ITFG1: variants seen among roughly 807,000 people sequenced by gnomAD.
ITFG1 encodes the protein integrin alpha FG-GAP repeat containing 1.
A neutral mutation model predicts 81.8 loss-of-function variants in ITFG1; 34 were observed. That is an observed-to-expected ratio of 0.42 (90% CI 0.32 to 0.55). The LOEUF (loss-of-function observed/expected upper bound fraction) is 0.55, where lower values mean the gene tolerates loss of function less well. Among genes scored for constraint, ITFG1 ranks in the 20% least tolerant of loss-of-function variants. The pLI is 0.17. For synonymous variants in ITFG1, 285 were observed against 270.6 expected (o/e 1.05, Z -0.52); for missense variants, 672 against 755.4 (o/e 0.89, Z 1.29).
chr16:47,369,984 A>G (rs1374498724), intron 7 of ITFG1, among the ~76,000 whole-genome samples: 2 of 151,642 alleles, frequency 1.3e-5, no homozygotes, highest in Non-Finnish European at 2.9e-5. Context: ...GACTACACAC[A>G]CCTGCCACCA....
intron 6 of ITFG1, among the ~76,000 whole-genome samples, chr16:47,413,236 G>A (rs760643137): frequency 3.9e-4 from 59 of 152,166 alleles, no homozygotes; most frequent in Non-Finnish European, 7.8e-4. Flanking sequence ...AACCAACCAA[G>A]AATTTGATAT....
At chr16:47,374,574 T>C (rs144423072) in intron 7 of ITFG1, among the ~76,000 whole-genome samples, 10 of 152,308 alleles carry the variant, frequency 6.6e-5, no homozygotes, top group African/African-American at 2.4e-4. Flanking sequence ...GAAGATTCAC[T>C]TGTGGTAGCA....
intron 8 of ITFG1, among the ~76,000 whole-genome samples, chr16:47,347,957 G>C (rs1019740566): frequency 6.6e-6 from 1 of 152,210 alleles, no homozygotes; most frequent in African/African-American, 2.4e-5. Flanking sequence ...ATAGGGTCTG[G>C]AGTGGACCTC....
intron 6 of ITFG1, among the ~76,000 whole-genome samples, chr16:47,427,942 T>C (rs773585031): frequency 5.3e-5 from 8 of 152,200 alleles, no homozygotes; most frequent in Admixed American, 1.3e-4. Flanking sequence ...AAGACCAGTC[T>C]AGGCAACATA....
At chr16:47,392,116 G>A (rs1010399808) in intron 6 of ITFG1, among the ~76,000 whole-genome samples, 1 of 152,164 alleles carries the variant, frequency 6.6e-6, no homozygotes, top group African/African-American at 2.4e-5. Context: ...GTGATATTGA[G>A]TAAAGATCTG....
At chr16:47,201,921 T>A (rs1965429454) in intron 14 of ITFG1, among the ~76,000 whole-genome samples, 1 of 152,194 alleles carries the variant, frequency 6.6e-6, no homozygotes, top group African/African-American at 2.4e-5. Flanking sequence ...TGACTGTGTA[T>A]CTGACATTTA....
At chr16:47,441,798 C>A (rs1251715319) in intron 5 of ITFG1, among the ~76,000 whole-genome samples, 4 of 152,258 alleles carry the variant, frequency 2.6e-5, no homozygotes, top group South Asian at 4.1e-4. Flanking sequence ...CTCACCACTC[C>A]TATTCAACAT....
At chr16:47,234,157 A>C (rs1341145614) in intron 13 of ITFG1, among the ~76,000 whole-genome samples, 1 of 152,236 alleles carries the variant, frequency 6.6e-6, no homozygotes, top group Admixed American at 6.5e-5. Flanking sequence ...AGACAAAGGA[A>C]GTATCAAAAC....
At chr16:47,161,873 T>A in intron 15 of ITFG1, 41 bp from the exon 16 acceptor site, 1 of 1,110,440 alleles carries the variant, frequency 9.0e-7, no homozygotes, top group Non-Finnish European at 1.4e-6. Context: ...TCAGCACATT[T>A]AAAAAACACA....
chr16:47,172,510 A>AC (rs1291596030), intron 14 of ITFG1, among the ~76,000 whole-genome samples: 3 of 150,524 alleles, frequency 2.0e-5, no homozygotes, highest in Non-Finnish European at 4.4e-5. Context: ...CAACCAAAAA[A>AC]CCCCCCATAA....
chr16:47,313,881 G>T, intron 8 of ITFG1, 58 bp from the exon 9 acceptor site: 1 of 939,954 alleles, frequency 1.1e-6, no homozygotes. Flanking sequence ...GTTCTTGTAT[G>T]GTATATTAAA....
At chr16:47,404,651 A>G (rs1968705540) in intron 6 of ITFG1, among the ~76,000 whole-genome samples, 1 of 152,186 alleles carries the variant, frequency 6.6e-6, no homozygotes, top group African/African-American at 2.4e-5. Flanking sequence ...ACACATGCAC[A>G]TATACATAGT....
intron 2 of ITFG1, among the ~76,000 whole-genome samples, chr16:47,456,309 C>T (rs368913572): frequency 1.4e-4 from 22 of 152,256 alleles, no homozygotes; most frequent in East Asian, 9.6e-4. Context: ...AAACAATTTA[C>T]ATTTAAAAGA....
intron 14 of ITFG1, among the ~76,000 whole-genome samples, chr16:47,163,455 A>G (rs1964840256): frequency 6.6e-6 from 1 of 152,218 alleles, no homozygotes; most frequent in Non-Finnish European, 1.5e-5. Context: ...TCTATATGGT[A>G]GCATGTTTCC....
At chr16:47,442,851 C>T (rs1181972954) in intron 5 of ITFG1, among the ~76,000 whole-genome samples, 1 of 152,184 alleles carries the variant, frequency 6.6e-6, no homozygotes, top group Non-Finnish European at 1.5e-5. Flanking sequence ...GCAAGGACTG[C>T]ATATCTAAAA....
chr16:47,308,752 CT>C (rs1437527714), intron 10 of ITFG1, among the ~76,000 whole-genome samples: 1 of 152,202 alleles, frequency 6.6e-6, no homozygotes, highest in East Asian at 1.9e-4. Context: ...GATACTCAGA[CT>C]TCTGAGTGTG....
intron 10 of ITFG1, among the ~76,000 whole-genome samples, chr16:47,279,843 T>A (rs1966434511): frequency 6.6e-6 from 1 of 152,190 alleles, no homozygotes; most frequent in Non-Finnish European, 1.5e-5. Flanking sequence ...TTAATATGTT[T>A]CATTTATACT....
chr16:47,400,890 C>T (rs982304755), intron 6 of ITFG1, among the ~76,000 whole-genome samples: 3 of 152,024 alleles, frequency 2.0e-5, no homozygotes, highest in East Asian at 3.9e-4. Context: ...AAAAAGCATG[C>T]GATTCTTTCT....
At chr16:47,307,365 TCTCA>T (rs1416403758) in intron 10 of ITFG1, among the ~76,000 whole-genome samples, 10 of 152,244 alleles carry the variant, frequency 6.6e-5, no homozygotes, top group African/African-American at 1.9e-4. Context: ...TAGAATTAAC[TCTCA>T]CTGTCTACAG....
Sources: allele counts gnomAD v4.1 joint callset (sites outside exome capture counted in the v4.1 genomes callset), GRCh38; gene constraint gnomAD v4.1.1; transcripts MANE v1.5; gene names NCBI Gene and HGNC (gene_info 2026-07-23, HGNC 2026-07-21).